Variants in GRK5 observed in about 807,000 individuals in gnomAD.
GRK5 encodes g protein-coupled receptor kinase GRK5.
Under a neutral mutation model 78.4 loss-of-function variants are expected in GRK5, and 40 were observed. That is an observed-to-expected ratio of 0.51 (90% CI 0.40 to 0.66). The LOEUF (loss-of-function observed/expected upper bound fraction) is 0.66, where lower values mean the gene tolerates loss of function less well. Ranked by LOEUF, GRK5 falls within the 30% of genes least tolerant of loss-of-function variation. The probability of loss-of-function intolerance (pLI) is 0.00; values close to 1 mark genes in which losing one functional copy is unlikely to be tolerated. For missense variants in GRK5, 598 were observed against 759.9 expected, an observed-to-expected ratio of 0.79 and a Z score of 2.50; for synonymous variants, 289 against 296.8, an observed-to-expected ratio of 0.97 and a Z score of 0.27.
At chr10:119,249,305 CTAA>C (rs1309198292) in intron 1 of GRK5, among the ~76,000 whole-genome samples, 2 of 151,900 alleles carry the variant, frequency 1.3e-5, no homozygotes, top group Non-Finnish European at 2.9e-5. Flanking sequence ...AAAGGAGATA[CTAA>C]TAATACCTAC....
rs547833831 is a variant in GRK5, at chr10:119,391,435, G to T, written c.262-5260G>T. Among the ~76,000 whole-genome samples, 6 of 152,374 alleles carry T rather than the reference G, an allele frequency of 3.9e-5. No individual in the cohort carries two copies. The South Asian group carries it at 1.2e-3, about 32-fold the overall frequency. Reference sequence around the variant, plus strand: ...GGTCCTGGCAGAAAACAGATGGCCGGCCCCATGTGTGAATGGAGGAGTTTA... The same window carrying T: ...GGTCCTGGCAGAAAACAGATGGCCGTCCCCATGTGTGAATGGAGGAGTTTA... On this transcript the variant is annotated intron_variant, in intron 3 of 15. Transcript: ENST00000392870.
chr10:119,371,176 G>A (rs1296682751), intron 2 of GRK5, among the ~76,000 whole-genome samples: 1 of 152,158 alleles, frequency 6.6e-6, no homozygotes, highest in Non-Finnish European at 1.5e-5. Context: ...TTTCAGTGGG[G>A]TGGACAGCCC....
In GRK5 at chr10:119,431,364, C is replaced by G; in HGVS notation, c.598-23C>G. 6.2e-7 allele frequency: 1 copy of G among 1,605,136 alleles called. No homozygotes were observed. Among genetic ancestry groups the G allele is most frequent in the Non-Finnish European group, 8.5e-7 (1 of 1,175,422 alleles). On this transcript the variant is annotated intron_variant, in intron 7 of 15. Transcript: ENST00000392870. The surrounding 1 kb of genome is among the most constrained non-coding windows in gnomAD (Gnocchi z 4.8). ...AGGCCTCCACGGTGCTCCTGCCACC[C>G]TGGTTTCTTTCTTGCACTGCAGGTC...
At chr10:119,289,687 G>A (rs999147293) in intron 1 of GRK5, among the ~76,000 whole-genome samples, 4 of 152,200 alleles carry the variant, frequency 2.6e-5, no homozygotes, top group Non-Finnish European at 4.4e-5. Flanking sequence ...CCCGCTTCCC[G>A]AGTCTCTCCT....
chr10:119,448,364 G>C (rs547063329), intron 13 of GRK5, 104 bp downstream of exon 13: 2 of 1,320,040 alleles, frequency 1.5e-6, no homozygotes, highest in Non-Finnish European at 2.1e-6. Flanking sequence ...GGGGCACATC[G>C]TGTCTTTGTG....
rs1161741740 is a variant in GRK5, at chr10:119,394,286, G to A, written c.262-2409G>A. Reference sequence around the variant, plus strand: ...TGTGTGTGTGTGGGCGTGTGTGTGGGTGTGTATCTGTGTGTCTGTGTGGGC... The same window carrying A: ...TGTGTGTGTGTGGGCGTGTGTGTGGATGTGTATCTGTGTGTCTGTGTGGGC... On this transcript the variant is annotated intron_variant, in intron 3 of 15. Transcript: ENST00000392870. 1.3e-3 allele frequency among the ~76,000 whole-genome samples: 26 copies of A among 20,086 alleles called. 4 individuals are homozygous for A. The highest frequency in any genetic ancestry group is 1.6e-3 in the South Asian group (1 of 622). The allele number at this position is 20,086 out of a possible 152,430, so 13.2% of individuals were successfully genotyped here. A position where few individuals can be genotyped will look rare whatever the true frequency, so the allele number is the denominator to read the frequency against.
In GRK5 at chr10:119,267,670, G is replaced by A. The variant is rs551436242; in HGVS notation, c.53-58846G>A. Reference sequence around the variant, plus strand: ...TTCTATAGCAAGGAGGTCCAGCACCGCTCGTGGACCCAAACTGTCCTCCAG... The same window carrying A: ...TTCTATAGCAAGGAGGTCCAGCACCACTCGTGGACCCAAACTGTCCTCCAG... On this transcript the variant is annotated intron_variant, in intron 1 of 15. Coordinates refer to ENST00000392870, the MANE Select transcript of GRK5 (RefSeq NM_005308.3). The surrounding 1 kb of genome is among the most constrained non-coding windows in gnomAD (Gnocchi z 4.1). 1.3e-5 allele frequency among the ~76,000 whole-genome samples: 2 copies of A among 152,294 alleles called. No homozygotes were observed. Among genetic ancestry groups the A allele is most frequent in the South Asian group, 4.1e-4 (2 of 4,826 alleles).
At chr10:119,420,353 C>CAA (rs71480796) in intron 4 of GRK5, among the ~76,000 whole-genome samples, 1 of 25,890 alleles carries the variant, frequency 3.9e-5, no homozygotes, top group Non-Finnish European at 1.1e-4. Context: ...AACAAACAAA[C>CAA]AAAAAAAAAA....
intron 1 of GRK5, among the ~76,000 whole-genome samples, chr10:119,317,844 GTCA>G (rs1479284707): frequency 6.6e-6 from 1 of 152,036 alleles, no homozygotes; most frequent in Non-Finnish European, 1.5e-5. Flanking sequence ...GAGTGGTCCC[GTCA>G]TTCCTTTTCT....
intron 1 of GRK5, among the ~76,000 whole-genome samples, chr10:119,222,344 G>A (rs370539819): frequency 1.8e-4 from 27 of 152,202 alleles, no homozygotes; most frequent in African/African-American, 6.3e-4. Context: ...GGCAGAAAGT[G>A]TCTTGAGGAA....
chr10:119,431,285 C>A lies in GRK5; in HGVS notation c.598-102C>A. ...AGCCAGGCAGGGCCGGCTCTGACCC[C>A]ATCCATTCTCTACCTGGGAGGCCTG... is the stretch of plus-strand genomic sequence containing the variant. On this transcript the variant is annotated intron_variant, in intron 7 of 15. Transcript: ENST00000392870. This position sits in a 1 kb window ranked among gnomAD's most constrained non-coding sequence, Gnocchi z 4.8. The A allele has an allele frequency of 1.5e-6, 2 of 1,374,844 alleles. No homozygotes were observed. Among genetic ancestry groups the A allele is most frequent in the South Asian group, 1.4e-5 (1 of 70,850 alleles). 85.2% of individuals were successfully genotyped at this position (1,374,844 alleles called of 1,614,324 possible). A position where few individuals can be genotyped will look rare whatever the true frequency, so the allele number is the denominator to read the frequency against.
At chr10:119,275,900 C>T (rs750227088) in intron 1 of GRK5, among the ~76,000 whole-genome samples, 5 of 152,144 alleles carry the variant, frequency 3.3e-5, no homozygotes, top group African/African-American at 4.8e-5. Context: ...GGGACCGTCT[C>T]GCTAAGCAAT....
chr10:119,404,999 G>A (rs778927610), intron 4 of GRK5, among the ~76,000 whole-genome samples: 2 of 152,192 alleles, frequency 1.3e-5, no homozygotes, highest in African/African-American at 2.4e-5. Flanking sequence ...ATTTTGCTGC[G>A]GCTCATTTTA....
At chr10:119,447,018 A>G (rs1348833367) in intron 12 of GRK5, among the ~76,000 whole-genome samples, 6 of 152,248 alleles carry the variant, frequency 3.9e-5, no homozygotes, top group African/African-American at 1.4e-4. Context: ...AGTAGACACC[A>G]ACTGCGTACA....
intron 2 of GRK5, among the ~76,000 whole-genome samples, chr10:119,335,437 C>T (rs1339293626): frequency 6.6e-6 from 1 of 152,058 alleles, no homozygotes; most frequent in Non-Finnish European, 1.5e-5. Context: ...AATCTTGGCT[C>T]ATTGCAACCT....
At chr10:119,394,317 G>T (rs117191330) in intron 3 of GRK5, among the ~76,000 whole-genome samples, 2,613 of 20,342 alleles carry the variant, frequency 0.13, 550 homozygotes, top group East Asian at 0.66. Flanking sequence ...TGGGCACGTG[G>T]GTGTGTGTAT....
At chr10:119,326,240 G>C (rs1004767793) in intron 1 of GRK5, among the ~76,000 whole-genome samples, 1 of 152,246 alleles carries the variant, frequency 6.6e-6, no homozygotes, top group African/African-American at 2.4e-5. Flanking sequence ...GAACAGCCGT[G>C]GGGGATGCCT....
At chr10:119,229,105 G>A (rs142880093) in intron 1 of GRK5, among the ~76,000 whole-genome samples, 3 of 152,118 alleles carry the variant, frequency 2.0e-5, no homozygotes, top group African/African-American at 7.2e-5. Flanking sequence ...TTGATTTTTC[G>A]GAAAATCAAA....
In GRK5 at chr10:119,267,071, C is replaced by T. The variant is rs962617867; in HGVS notation, c.52+59102C>T. 8.5e-5 allele frequency among the ~76,000 whole-genome samples: 13 copies of T among 152,048 alleles called. No homozygotes were observed. The highest frequency in any genetic ancestry group is 1.9e-4 in the Non-Finnish European group (13 of 67,986). The stretch of plus-strand genomic sequence containing the variant: ...CAGCCTGACCAACATGGAGAAACCC[C>T]ATCTCTACTAAAAATACAAAAATTA... On this transcript the variant is annotated intron_variant, in intron 1 of 15. Transcript: ENST00000392870. The surrounding 1 kb of genome is among the most constrained non-coding windows in gnomAD (Gnocchi z 4.1).
Sources: gnomAD v4.1 joint callset for allele counts (sites outside exome capture counted in the v4.1 genomes callset) on GRCh38, gnomAD v4.1.1 for gene constraint, Gnocchi (gnomAD v3.1) non-coding constraint, MANE v1.5 for transcripts, NCBI Gene and HGNC (gene_info 2026-07-23, HGNC 2026-07-21) for gene names.